The following MIGA1 variants were observed in gnomAD, a reference collection of about 807,000 sequenced individuals.
MIGA1 encodes the protein mitoguardin 1.
Under a neutral mutation model 82.0 loss-of-function variants are expected in MIGA1, and 58 were observed. That is an observed-to-expected ratio of 0.71 (90% CI 0.57 to 0.88). MIGA1 has a LOEUF of 0.88. Ranked by LOEUF, MIGA1 falls within the 40% of genes least tolerant of loss-of-function variation. The probability of loss-of-function intolerance (pLI) is 0.00; values close to 1 mark genes in which losing one functional copy is unlikely to be tolerated. For synonymous variants in MIGA1, 249 were observed against 253.6 expected (o/e 0.98, Z 0.17); for missense variants, 751 against 749.1 (o/e 1.00, Z -0.03).
chr1:77,848,729 C>G (rs1364004016), intron 8 of MIGA1: 2 of 1,505,598 alleles, frequency 1.3e-6, no homozygotes, highest in East Asian at 2.3e-5. Flanking sequence ...GTAATGTCAG[C>G]TAGAGACAGG....
intron 2 of MIGA1, among the ~76,000 whole-genome samples, chr1:77,788,891 A>G (rs1316440047): frequency 2.0e-5 from 3 of 152,132 alleles, no homozygotes; most frequent in Admixed American, 2.0e-4. Context: ...GGCTATTCTA[A>G]GTCCCTTGAG....
rs1557932525 is a variant in MIGA1 at position 77,858,991 on chromosome 1, C to T, written c.1050C>T (p.His350=). Residue 350 remains histidine, a synonymous_variant, in exon 9 of 16, where the codon CAC becomes CAT. Coordinates refer to ENST00000370791, the MANE Select transcript of MIGA1 (RefSeq NM_198549.4). ...CCTACAGCCTGGAGTCCCTTTGTCA[C>T]TGCCCATTTTACGAGGAAGCCATGC... 8 of 1,613,890 alleles carry T rather than the reference C, an allele frequency of 5.0e-6. No homozygotes were observed. The highest frequency in any genetic ancestry group is 6.8e-6 in the Non-Finnish European group (8 of 1,179,904).
At position 77,874,869 on chromosome 1, in the gene MIGA1, A is replaced by G; in HGVS notation, c.1704A>G (p.Lys568=). ...AGAATCAAGTTCTTTTATTTCTCAA[A>G]GACATTTTTGACTTTGAGAAGGTGC... The change falls in exon 16 of 16, where the codon AAA becomes AAG. Residue 568 remains lysine (K), a synonymous_variant. Coordinates refer to ENST00000370791, the MANE Select transcript of MIGA1 (RefSeq NM_198549.4). The G allele has an allele frequency of 6.2e-7, 1 of 1,613,844 alleles. No homozygotes were observed. Among genetic ancestry groups the G allele is most frequent in the South Asian group, 1.1e-5 (1 of 90,992 alleles).
At chr1:77,869,647 G>A (rs1460348268) in intron 14 of MIGA1, among the ~76,000 whole-genome samples, 8 of 137,698 alleles carry the variant, frequency 5.8e-5, no homozygotes, top group Non-Finnish European at 1.1e-4. Flanking sequence ...AGGGGCGGCC[G>A]GGCAGAGGCG....
intron 5 of MIGA1, among the ~76,000 whole-genome samples, chr1:77,812,150 C>A (rs997879024): frequency 8.6e-5 from 13 of 151,796 alleles, no homozygotes; most frequent in Non-Finnish European, 1.8e-4. Context: ...CTCATCTCTA[C>A]AAATAAATAA....
intron 8 of MIGA1, among the ~76,000 whole-genome samples, chr1:77,844,696 G>A (rs1163338539): frequency 1.3e-5 from 2 of 152,110 alleles, no homozygotes; most frequent in Non-Finnish European, 2.9e-5. Context: ...TTATGCATCT[G>A]GCCAGGCACA....
At chr1:77,838,325 CTTAT>C (rs376304871) in intron 7 of MIGA1, among the ~76,000 whole-genome samples, 5,565 of 151,590 alleles carry the variant, frequency 0.037, 130 homozygotes, top group South Asian at 0.11. Flanking sequence ...TACCTTTTAG[CTTAT>C]TTATTTATTT....
intron 14 of MIGA1, among the ~76,000 whole-genome samples, chr1:77,869,359 G>A (rs560730277): frequency 1.3e-5 from 2 of 148,346 alleles, no homozygotes; most frequent in East Asian, 4.0e-4. Context: ...CACAGACCCG[G>A]CAACCATCCG....
intron 7 of MIGA1, among the ~76,000 whole-genome samples, chr1:77,835,582 A>AG (rs1331899095): frequency 6.6e-6 from 1 of 152,160 alleles, no homozygotes; most frequent in Non-Finnish European, 1.5e-5. Flanking sequence ...TTCATTAAGG[A>AG]GTGTAAGCTG....
chr1:77,818,681 G>A (rs1683675189), intron 7 of MIGA1, among the ~76,000 whole-genome samples: 1 of 152,168 alleles, frequency 6.6e-6, no homozygotes, highest in South Asian at 2.1e-4. Context: ...GGAGACAGAT[G>A]TGGGAGGATT....
intron 1 of MIGA1, chr1:77,780,128 A>T (rs931077860): frequency 2.0e-6 from 2 of 996,536 alleles, no homozygotes; most frequent in Middle Eastern, 5.0e-4. Context: ...GGCAAAGAAA[A>T]AGGAAGACAG....
At chr1:77,784,081 G>A (rs58022842) in intron 2 of MIGA1, among the ~76,000 whole-genome samples, 5,741 of 152,176 alleles carry the variant, frequency 0.038, 177 homozygotes, top group East Asian at 0.15. Context: ...ATTGGATTGC[G>A]TCCATGTTTT....
At chr1:77,867,442 T>A (rs1226295464) in intron 14 of MIGA1, among the ~76,000 whole-genome samples, 1 of 152,190 alleles carries the variant, frequency 6.6e-6, no homozygotes, top group Non-Finnish European at 1.5e-5. Context: ...TCTTTCTGCC[T>A]CATCCTCCCT....
Position 77,875,131 on chromosome 1 carries a change from C to T in MIGA1, c.*67C>T, listed in dbSNP as rs532166280. 3 of 1,272,718 alleles carry T rather than the reference C, an allele frequency of 2.4e-6. No homozygotes were observed. The highest frequency in any genetic ancestry group is 1.3e-5 in the South Asian group (1 of 76,444). The allele number at this position is 1,272,718 out of a possible 1,614,324, so 78.8% of individuals were successfully genotyped here. Reference sequence around the variant, plus strand: ...TTTAAGGTAACTATTGATTTTGTAACATATATTACAAAGTTAACAGAATTG... The same window carrying T: ...TTTAAGGTAACTATTGATTTTGTAATATATATTACAAAGTTAACAGAATTG... On this transcript the variant is annotated 3_prime_UTR_variant, in exon 16 of 16. Transcript: ENST00000370791.
At chr1:77,821,603 C>G (rs1683811371) in intron 7 of MIGA1, among the ~76,000 whole-genome samples, 1 of 152,078 alleles carries the variant, frequency 6.6e-6, no homozygotes, top group African/African-American at 2.4e-5. Flanking sequence ...CCATGTTGGT[C>G]AGGTTGCTCT....
At chr1:77,849,453 G>T (rs1260778830) in intron 8 of MIGA1, among the ~76,000 whole-genome samples, 2 of 152,052 alleles carry the variant, frequency 1.3e-5, no homozygotes, top group African/African-American at 4.8e-5. Context: ...TGGTTTTGTT[G>T]CACGAGCTGT....
intron 4 of MIGA1, among the ~76,000 whole-genome samples, chr1:77,804,842 TGGTCTC>T (rs1195620604): frequency 6.6e-6 from 1 of 152,052 alleles, no homozygotes; most frequent in African/African-American, 2.4e-5. Flanking sequence ...TTGGCTAGGC[TGGTCTC>T]GAACTCCTGA....
chr1:77,826,058 TTA>T (rs1684017983), intron 7 of MIGA1, among the ~76,000 whole-genome samples: 1 of 152,206 alleles, frequency 6.6e-6, no homozygotes, highest in African/African-American at 2.4e-5. Context: ...ATTATTATAA[TTA>T]TAGTCTAGCA....
rs917778007 is a variant in MIGA1 at position 77,783,120 on chromosome 1, C to G, written c.82-118C>G. 9.9e-6 allele frequency: 6 copies of G among 607,818 alleles called. No homozygotes were observed. The Admixed American group carries it at 1.6e-4, about 16-fold the overall frequency. 37.7% of individuals were successfully genotyped at this position (607,818 alleles called of 1,614,324 possible). A position where few individuals can be genotyped will look rare whatever the true frequency, so the allele number is the denominator to read the frequency against. On this transcript the variant is annotated intron_variant, in intron 1 of 15. Coordinates refer to ENST00000370791, the MANE Select transcript of MIGA1 (RefSeq NM_198549.4). ...TATAATTTTAGCTCAAGTGTAATGT[C>G]ATCAATAATTGACTGCAAAAATAAG... is the stretch of plus-strand genomic sequence containing the variant.
Sources: gnomAD v4.1 joint callset for allele counts (sites outside exome capture counted in the v4.1 genomes callset) on GRCh38, gnomAD v4.1.1 for gene constraint, MANE v1.5 for transcripts, NCBI Gene and HGNC (gene_info 2026-07-23, HGNC 2026-07-21) for gene names.